Variants in TRAK1 observed in about 807,000 individuals in gnomAD.
The protein encoded by TRAK1 is trafficking kinesin-binding protein 1.
A neutral mutation model predicts 92.1 loss-of-function variants in TRAK1; 33 were observed. The observed-to-expected ratio is 0.36, with a 90% CI of 0.27 to 0.48. The LOEUF (loss-of-function observed/expected upper bound fraction) is 0.48, where lower values mean the gene tolerates loss of function less well. Among genes scored for constraint, TRAK1 ranks in the 20% least tolerant of loss-of-function variants. The pLI is 0.99. For synonymous variants in TRAK1, 521 were observed against 517.3 expected (o/e 1.01, Z -0.10); for missense variants, 1,123 against 1,257.9 (o/e 0.89, Z 1.62).
At chr3:42,210,376 C>T in intron 14 of TRAK1, 2 of 1,266,584 alleles carry the variant, frequency 1.6e-6, no homozygotes, top group Admixed American at 3.1e-5. Context: ...CATCAGGGAT[C>T]TTTAAAGTGG....
chr3:42,108,152 C>T (rs189890306), intron 1 of TRAK1, among the ~76,000 whole-genome samples: 8 of 152,076 alleles, frequency 5.3e-5, no homozygotes, highest in South Asian at 2.1e-4. Flanking sequence ...GTATGGATAG[C>T]GGATGGCCAC....
At chr3:42,201,864 A>G (rs73831715) in intron 12 of TRAK1, among the ~76,000 whole-genome samples, 274 of 110,686 alleles carry the variant, frequency 2.5e-3, no homozygotes, top group African/African-American at 8.1e-3. Context: ...GGACGGACGG[A>G]CGGACGGACG....
chr3:42,161,270 T>A (rs1701243099), intron 2 of TRAK1, among the ~76,000 whole-genome samples: 1 of 152,242 alleles, frequency 6.6e-6, no homozygotes, highest in Admixed American at 6.5e-5. Flanking sequence ...GATCAGGATG[T>A]TTAAACAATG....
chr3:42,060,258 TAAAG>T (rs1291297648), intron 1 of TRAK1, among the ~76,000 whole-genome samples: 2 of 126,358 alleles, frequency 1.6e-5, no homozygotes, highest in South Asian at 2.4e-4. Context: ...AGAAGAAAAA[TAAAG>T]GAAGGGGATG....
At chr3:42,098,932 G>A (rs1706335441) in intron 1 of TRAK1, among the ~76,000 whole-genome samples, 1 of 152,056 alleles carries the variant, frequency 6.6e-6, no homozygotes, top group Non-Finnish European at 1.5e-5. Flanking sequence ...AAGGGCTGGG[G>A]GATTCCAGCT....
chr3:42,216,784 G>A (rs1037045550), intron 14 of TRAK1, among the ~76,000 whole-genome samples: 1 of 152,144 alleles, frequency 6.6e-6, no homozygotes, highest in Non-Finnish European at 1.5e-5. Context: ...AATATTTGTC[G>A]TTGTTAATAC....
intron 3 of TRAK1, 85 bp downstream of exon 3, chr3:42,176,975 T>C (rs551156143): frequency 8.0e-7 from 1 of 1,251,288 alleles, no homozygotes. Context: ...TTATCACCTG[T>C]TTCAGTGAGG....
At chr3:42,036,741 T>C (rs1702340467) in intron 1 of TRAK1, among the ~76,000 whole-genome samples, 1 of 152,126 alleles carries the variant, frequency 6.6e-6, no homozygotes, top group South Asian at 2.1e-4. Context: ...CTAGGGAGTT[T>C]ATTGTACTTT....
At chr3:42,127,214 G>A (rs892438350) in intron 2 of TRAK1, among the ~76,000 whole-genome samples, 1 of 152,142 alleles carries the variant, frequency 6.6e-6, no homozygotes, top group African/African-American at 2.4e-5. Context: ...GAGAATAGTA[G>A]AGTTTGTAAC....
rs1035734719 is a variant in TRAK1, at chr3:42,211,049, G to A, written c.1963+1064G>A. ...GAAGGCAAAGCTTTTGTGGAGTCAG[G>A]GGGGAGACTGAGAAAAAATGAATTA... On this transcript the variant is annotated intron_variant, in intron 14 of 15. Transcript: ENST00000327628. The A allele has an allele frequency of 1.4e-5, 14 of 985,152 alleles. No individual in the cohort carries two copies. The South Asian group carries it at 4.7e-4, about 33-fold the overall frequency. The allele number at this position is 985,152 out of a possible 1,614,324, so 61.0% of individuals were successfully genotyped here. A position where few individuals can be genotyped will look rare whatever the true frequency, so the allele number is the denominator to read the frequency against.
intron 1 of TRAK1, among the ~76,000 whole-genome samples, chr3:42,112,858 A>T (rs145574053): frequency 6.6e-6 from 1 of 152,140 alleles, no homozygotes; most frequent in African/African-American, 2.4e-5. Flanking sequence ...GCATCCTCTA[A>T]CTGCTGTGCT....
At chr3:42,116,162 C>T (rs145879957) in intron 1 of TRAK1, among the ~76,000 whole-genome samples, 196 of 152,362 alleles carry the variant, frequency 1.3e-3, no homozygotes, top group African/African-American at 4.4e-3. Context: ...GTCGCTACAT[C>T]CCGAGGCCTC....
intron 1 of TRAK1, among the ~76,000 whole-genome samples, chr3:42,017,167 A>G (rs1011853346): frequency 2.0e-5 from 3 of 152,196 alleles, no homozygotes; most frequent in African/African-American, 7.2e-5. Context: ...AGGCTGAGGT[A>G]GGAGAATTGC....
intron 2 of TRAK1, among the ~76,000 whole-genome samples, chr3:42,163,849 C>T (rs79477619): frequency 0.019 from 2,863 of 152,302 alleles, 50 homozygotes; most frequent in Non-Finnish European, 0.028. Context: ...TTCCCTCATA[C>T]TCCAAGAAAT....
At position 42,223,161 on chromosome 3, in the gene TRAK1, C is replaced by T. The variant is rs567423606; in HGVS notation, c.2286C>T (p.Ala762=). 1.3e-5 allele frequency: 21 copies of T among 1,614,000 alleles called. No individual in the cohort carries two copies. The highest frequency in any genetic ancestry group is 4.0e-5 in the African/African-American group (3 of 75,006). The change falls in exon 16 of 16, where the codon GCC becomes GCT. Residue 762 remains alanine (A), a synonymous_variant. Transcript: ENST00000327628. This position sits in a 1 kb window ranked among gnomAD's most constrained non-coding sequence, Gnocchi z 6.1. ...AVYDPQSWDR[A]GRGSLLHSYT... is the part of the protein sequence containing the mutation. ...ACGACCCCCAGAGCTGGGACAGGGC[C>T]GGCCGGGGCTCCCTCCTGCACTCCT...
intron 11 of TRAK1, among the ~76,000 whole-genome samples, chr3:42,199,775 CT>C (rs1707263930): frequency 1.3e-5 from 2 of 152,200 alleles, no homozygotes; most frequent in Admixed American, 6.5e-5. Flanking sequence ...CTGTGCTCCT[CT>C]TCTTCTTAGG....
At chr3:42,168,239 T>A (rs1010274833) in intron 2 of TRAK1, among the ~76,000 whole-genome samples, 3 of 152,216 alleles carry the variant, frequency 2.0e-5, no homozygotes, top group Admixed American at 2.0e-4. Context: ...AGTGGGTGAT[T>A]TGCCATTTCT....
At chr3:42,049,468 T>C (rs1394746243) in intron 1 of TRAK1, among the ~76,000 whole-genome samples, 1 of 152,140 alleles carries the variant, frequency 6.6e-6, no homozygotes, top group East Asian at 1.9e-4. Flanking sequence ...TTACTTACTT[T>C]TTCCATCACC....
intron 1 of TRAK1, among the ~76,000 whole-genome samples, chr3:42,050,061 G>A (rs1297194258): frequency 1.3e-5 from 2 of 152,096 alleles, no homozygotes; most frequent in African/African-American, 4.8e-5. Flanking sequence ...TTTTTCACCG[G>A]GGACTGTTTG....
Sources: gnomAD v4.1 joint callset for allele counts (sites outside exome capture counted in the v4.1 genomes callset) on GRCh38, gnomAD v4.1.1 for gene constraint, Gnocchi (gnomAD v3.1) non-coding constraint, MANE v1.5 for transcripts, NCBI Gene and HGNC (gene_info 2026-07-23, HGNC 2026-07-21) for gene names.